Variants in CCL17 observed in about 807,000 individuals in gnomAD.
The protein encoded by CCL17 is C-C motif chemokine 17.
Under a neutral mutation model 7.4 loss-of-function variants are expected in CCL17, and 8 were observed. The ratio of observed to expected loss-of-function variants is 1.09; its 90% CI spans 0.64 to 1.96. The LOEUF (loss-of-function observed/expected upper bound fraction) is 1.96, where lower values mean the gene tolerates loss of function less well. Among genes scored for constraint, CCL17 ranks in the 30% most tolerant of loss-of-function variants. The pLI, the probability that CCL17 is intolerant of heterozygous loss-of-function variation, is 0.00. For synonymous variants in CCL17, 40 were observed against 46.1 expected (o/e 0.87, Z 0.54); for missense variants, 102 against 113.0 (o/e 0.90, Z 0.44).
At chr16:57,400,721 C>A (rs1260660568), upstream of CCL17, among the ~76,000 whole-genome samples, 1 of 152,172 alleles carries the variant, frequency 6.6e-6, no homozygotes, top group African/African-American at 2.4e-5. Context: ...GTAATCCCAG[C>A]ACTTTGGGAG....
intron 1 of CCL17, among the ~76,000 whole-genome samples, chr16:57,410,629 C>T (rs1350826070): frequency 6.6e-6 from 1 of 152,216 alleles, no homozygotes; most frequent in Non-Finnish European, 1.5e-5. Context: ...AGATGCTTCT[C>T]ACAGGCCCAG....
chr16:57,396,722 T>G, the CCL17 span, among the ~76,000 whole-genome samples: 1 of 152,094 alleles, frequency 6.6e-6, no homozygotes, highest in African/African-American at 2.4e-5. Context: ...AATGGAGCTG[T>G]TTGGGTGAGT....
upstream of CCL17, among the ~76,000 whole-genome samples, chr16:57,403,483 TA>T (rs1241780073): frequency 5.0e-3 from 10 of 1,996 alleles, 2 homozygotes; most frequent in Non-Finnish European, 0.011. Flanking sequence ...ATATATTATA[TA>T]ATAATATATA....
At chr16:57,409,443 C>T (rs1435253342) in intron 1 of CCL17, among the ~76,000 whole-genome samples, 5 of 152,116 alleles carry the variant, frequency 3.3e-5, no homozygotes, top group East Asian at 1.9e-4. Flanking sequence ...ATGTGGGCTT[C>T]GTCCTGAGAG....
chr16:57,400,283 C>T (rs1270919530), upstream of CCL17, among the ~76,000 whole-genome samples: 36 of 151,988 alleles, frequency 2.4e-4, no homozygotes, highest in Admixed American at 3.3e-4. Context: ...GGCGTGAACC[C>T]GAGAGGCGGA....
chr16:57,415,873 C>T lies in CCL17; in HGVS notation c.*12C>T, dbSNP rs377119374. 1.1e-3 allele frequency: 1,636 copies of T among 1,528,698 alleles called. 3 individuals are homozygous for T. The highest frequency in any genetic ancestry group is 1.4e-3 in the Non-Finnish European group (1,542 of 1,102,382). The allele number at this position is 1,528,698 out of a possible 1,614,324, so 94.7% of individuals were successfully genotyped here. A position where few individuals can be genotyped will look rare whatever the true frequency, so the allele number is the denominator to read the frequency against. On this transcript the variant is annotated 3_prime_UTR_variant, in exon 4 of 4. Coordinates refer to ENST00000219244, the MANE Select transcript of CCL17 (RefSeq NM_002987.3). This position sits in a 1 kb window ranked among gnomAD's most constrained non-coding sequence, Gnocchi z 4.5. ...TTGAGAGGTCTTGAAGCCTCCTCACCCCAGACTCCTGACTGTCTCCCGGGA... is the reference window on the plus strand; with the variant it reads ...TTGAGAGGTCTTGAAGCCTCCTCACTCCAGACTCCTGACTGTCTCCCGGGA...
intron 2 of CCL17, among the ~76,000 whole-genome samples, chr16:57,414,410 CTT>C (rs71152269): frequency 0.052 from 3,922 of 75,158 alleles, 27 homozygotes; most frequent in African/African-American, 0.13. Flanking sequence ...AAAAAGGATT[CTT>C]TTTTTTTTTT....
At chr16:57,409,906 G>A (rs1902756876) in intron 1 of CCL17, among the ~76,000 whole-genome samples, 1 of 152,212 alleles carries the variant, frequency 6.6e-6, no homozygotes, top group Non-Finnish European at 1.5e-5. Context: ...GGCAGGGCAG[G>A]ATGAATCCAG....
At chr16:57,403,549 TTTTA>T (rs1180381836), upstream of CCL17, among the ~76,000 whole-genome samples, 9 of 34,800 alleles carry the variant, frequency 2.6e-4, no homozygotes, top group African/African-American at 6.5e-4. Context: ...TAAATATATA[TTTTA>T]TATATATATA....
chr16:57,414,949 C>T, intron 2 of CCL17, 132 bp from the exon 3 acceptor site: 1 of 705,774 alleles, frequency 1.4e-6, no homozygotes, highest in South Asian at 1.5e-5. Context: ...GGCAGTGATA[C>T]ACATGCAGTC....
At chr16:57,401,995 A>G (rs781109549), upstream of CCL17, among the ~76,000 whole-genome samples, 1 of 152,248 alleles carries the variant, frequency 6.6e-6, no homozygotes, top group Non-Finnish European at 1.5e-5. Context: ...CCATAAGCTG[A>G]GAGAGCAGAG....
chr16:57,404,466 C>T (rs1000614522), upstream of CCL17, among the ~76,000 whole-genome samples: 4 of 151,822 alleles, frequency 2.6e-5, no homozygotes, highest in Non-Finnish European at 4.4e-5. Flanking sequence ...CCCTAGTAAC[C>T]GGAAGGAAGG....
chr16:57,399,919 C>G (rs1902567966), upstream of CCL17, among the ~76,000 whole-genome samples: 1 of 152,172 alleles, frequency 6.6e-6, no homozygotes, highest in Non-Finnish European at 1.5e-5. Flanking sequence ...ACACAGAAAG[C>G]CAATCACTGA....
At chr16:57,414,410 CTTTTTTTTT>C (rs71152269) in intron 2 of CCL17, among the ~76,000 whole-genome samples, 3 of 75,966 alleles carry the variant, frequency 3.9e-5, no homozygotes, top group Admixed American at 2.0e-4. Context: ...AAAAAGGATT[CTTTTTTTTT>C]TTTTTTTTTT....
upstream of CCL17, among the ~76,000 whole-genome samples, chr16:57,401,524 GA>G (rs148565902): frequency 0.036 from 4,415 of 123,914 alleles, 80 homozygotes; most frequent in East Asian, 0.1. Flanking sequence ...ACTCTGTCTG[GA>G]AAAAAAAAAA....
intron 2 of CCL17, 62 bp downstream of exon 2, chr16:57,414,064 A>G: frequency 7.5e-7 from 1 of 1,329,808 alleles, no homozygotes; most frequent in Non-Finnish European, 1.1e-6. Flanking sequence ...GGGGGCATGA[A>G]GACCACCACA....
At chr16:57,398,175 G>T in the CCL17 span, among the ~76,000 whole-genome samples, 2 of 152,184 alleles carry the variant, frequency 1.3e-5, no homozygotes, top group Non-Finnish European at 2.9e-5. Context: ...TTTACATCAT[G>T]AGTAGTCCAG....
At chr16:57,414,472 G>A (rs1429637201) in intron 2 of CCL17, among the ~76,000 whole-genome samples, 3 of 124,312 alleles carry the variant, frequency 2.4e-5, no homozygotes, top group African/African-American at 9.2e-5. Flanking sequence ...AGGCTGGAGT[G>A]CAATGGTGTG....
At chr16:57,396,412 C>T in the CCL17 span, among the ~76,000 whole-genome samples, 1 of 152,180 alleles carries the variant, frequency 6.6e-6, no homozygotes, top group Non-Finnish European at 1.5e-5. Flanking sequence ...TCCTAGAGTA[C>T]TTGCCAAGGT....
Sources: allele counts gnomAD v4.1 joint callset (sites outside exome capture counted in the v4.1 genomes callset), GRCh38; gene constraint gnomAD v4.1.1; non-coding constraint Gnocchi (gnomAD v3.1); transcripts MANE v1.5; gene names NCBI Gene and HGNC (gene_info 2026-07-23, HGNC 2026-07-21).